Variants in DCAF4 observed in about 807,000 individuals in gnomAD.
The protein encoded by DCAF4 is DDB1 and CUL4 associated factor 4.
DCAF4 carries 37 observed loss-of-function variants against 60.9 expected under a neutral mutation model. The observed-to-expected ratio is 0.61, with a 90% CI of 0.47 to 0.80. The LOEUF is 0.80. DCAF4 is among the 30% of genes least tolerant of loss of function. The pLI, the probability that DCAF4 is intolerant of heterozygous loss-of-function variation, is 0.00. For synonymous variants in DCAF4, 243 were observed against 254.8 expected, an observed-to-expected ratio of 0.95 and a Z score of 0.44; for missense variants, 577 against 650.0, an observed-to-expected ratio of 0.89 and a Z score of 1.22.
chr14:72,927,498 A>C (rs1388342197), intron 1 of DCAF4, among the ~76,000 whole-genome samples: 4 of 152,050 alleles, frequency 2.6e-5, no homozygotes, highest in East Asian at 1.9e-4. Flanking sequence ...GCTACAGGCG[A>C]CCACCACCTC....
intron 1 of DCAF4, among the ~76,000 whole-genome samples, chr14:72,927,661 T>G (rs1222141209): frequency 2.6e-5 from 4 of 151,744 alleles, no homozygotes; most frequent in South Asian, 4.2e-4. Context: ...TGAGGTGGTG[T>G]TCTGTGGGTA....
At chr14:72,937,827 A>G in intron 1 of DCAF4, 144 bp from the exon 2 acceptor site, 1 of 1,285,490 alleles carries the variant, frequency 7.8e-7, no homozygotes, top group Non-Finnish European at 1.0e-6. Flanking sequence ...TTCCCAGGTA[A>G]GGCTTGCTGT....
At chr14:72,955,914 C>CTTTTTTTTTTTTT (rs71109770) in intron 12 of DCAF4, among the ~76,000 whole-genome samples, 3 of 54,768 alleles carry the variant, frequency 5.5e-5, no homozygotes, top group African/African-American at 2.1e-4. Context: ...TGGTTATGTC[C>CTTTTTTTTTTTTT]TTTTTTTTTT....
downstream of DCAF4, chr14:72,961,909 A>G: frequency 8.8e-7 from 1 of 1,142,234 alleles, no homozygotes; most frequent in Non-Finnish European, 1.1e-6. Context: ...CAGTGGGTTC[A>G]GTGGAAGGTT....
chr14:72,951,746 C>G (rs1019366319), intron 8 of DCAF4, 52 bp from the exon 9 acceptor site: 2 of 1,572,756 alleles, frequency 1.3e-6, no homozygotes, highest in South Asian at 2.2e-5. Context: ...ATGTCCATGC[C>G]TCCTCCCAGA....
chr14:72,951,173 G>T (rs1035680758), intron 8 of DCAF4, among the ~76,000 whole-genome samples: 4 of 151,982 alleles, frequency 2.6e-5, no homozygotes, highest in Non-Finnish European at 5.9e-5. Context: ...TAGAGACAAG[G>T]TTTTGCTGTG....
chr14:72,959,244 A>G lies in DCAF4; in HGVS notation c.*439A>G. 1.0e-6 allele frequency: 1 copy of G among 988,508 alleles called. No homozygotes were observed. Among genetic ancestry groups the G allele is most frequent in the South Asian group, 4.7e-5 (1 of 21,390 alleles). 61.2% of individuals were successfully genotyped at this position (988,508 alleles called of 1,614,324 possible). A position where few individuals can be genotyped will look rare whatever the true frequency, so the allele number is the denominator to read the frequency against. ...AGAAAGACCTGCATCCTGCATCTGT[A>G]CTTGGGGAAGCCAGCGGAGAGGACG... On this transcript the variant is annotated 3_prime_UTR_variant, in exon 14 of 14. Coordinates refer to ENST00000358377, the MANE Select transcript of DCAF4 (RefSeq NM_015604.4).
At chr14:72,949,732 G>T (rs535129318) in intron 8 of DCAF4, among the ~76,000 whole-genome samples, 1 of 152,224 alleles carries the variant, frequency 6.6e-6, no homozygotes, top group African/African-American at 2.4e-5. Context: ...ACTCCAGCCT[G>T]AGCGAAAGAG....
intron 7 of DCAF4, 81 bp from the exon 8 acceptor site, chr14:72,947,058 ACGT>A (rs1890829391): frequency 3.8e-6 from 6 of 1,562,596 alleles, no homozygotes; most frequent in Non-Finnish European, 5.3e-6. Context: ...GAGAAGTCAC[ACGT>A]CTGTGTCCCC....
At chr14:72,952,020 A>G in intron 9 of DCAF4, 143 bp downstream of exon 9, 1 of 764,260 alleles carries the variant, frequency 1.3e-6, no homozygotes, top group Non-Finnish European at 2.0e-6. Context: ...TACCAGAAGC[A>G]TGTGTTTTTT....
chr14:72,949,234 A>C (rs1291626784), intron 8 of DCAF4, among the ~76,000 whole-genome samples: 3 of 152,198 alleles, frequency 2.0e-5, no homozygotes, highest in Non-Finnish European at 4.4e-5. Flanking sequence ...GGATTGCTTG[A>C]GGCCAGGAGT....
chr14:72,961,482 T>C (rs1210501339), downstream of DCAF4, among the ~76,000 whole-genome samples: 1 of 152,222 alleles, frequency 6.6e-6, no homozygotes, highest in African/African-American at 2.4e-5. Context: ...TTGATCTTGA[T>C]CTCATCCATT....
intron 8 of DCAF4, among the ~76,000 whole-genome samples, chr14:72,950,523 A>G (rs1290312723): frequency 6.6e-6 from 1 of 152,186 alleles, no homozygotes; most frequent in Non-Finnish European, 1.5e-5. Context: ...CAGTGGAGGA[A>G]AGGCAAGGGA....
intron 5 of DCAF4, chr14:72,942,788 C>A: frequency 1.8e-6 from 1 of 563,928 alleles, no homozygotes; most frequent in Non-Finnish European, 3.2e-6. Context: ...CCACCCACTT[C>A]TTCATTTTCA....
chr14:72,952,573 C>A (rs1367777592), intron 9 of DCAF4, among the ~76,000 whole-genome samples: 1 of 151,990 alleles, frequency 6.6e-6, no homozygotes. Flanking sequence ...ATTTGTCTTA[C>A]AAAAGTAATT....
intron 5 of DCAF4, 46 bp from the exon 6 acceptor site, chr14:72,942,948 T>C (rs1378730967): frequency 6.3e-7 from 1 of 1,587,616 alleles, no homozygotes; most frequent in African/African-American, 1.3e-5. Context: ...ATCTTCTTCA[T>C]GGATGTCAGC....
In DCAF4 at chr14:72,956,368, C is replaced by T. The variant is rs938440927; in HGVS notation, c.1180-18C>T. 1 of 1,583,080 alleles carries T rather than the reference C, an allele frequency of 6.3e-7. No homozygotes were observed. ...CCCCCTGGCCCCTCCCTGATGGCCC[C>T]TGGTGCTTTTTCCACAGATCAAGCT... On this transcript the variant is annotated intron_variant, in intron 12 of 13. Transcript: ENST00000358377.
At chr14:72,946,587 G>A (rs1331830338) in intron 7 of DCAF4, among the ~76,000 whole-genome samples, 2 of 152,146 alleles carry the variant, frequency 1.3e-5, no homozygotes, top group Admixed American at 6.5e-5. Context: ...CCCACACCAG[G>A]GCACAGAGTT....
At chr14:72,953,019 A>ATTTTTTT (rs1891642462) in intron 9 of DCAF4, among the ~76,000 whole-genome samples, 1 of 23,272 alleles carries the variant, frequency 4.3e-5, no homozygotes, top group Non-Finnish European at 7.8e-5. Flanking sequence ...TTTTTTTTTG[A>ATTTTTTT]GATGGAGTTT....
Sources: allele counts gnomAD v4.1 joint callset (sites outside exome capture counted in the v4.1 genomes callset), GRCh38; gene constraint gnomAD v4.1.1; transcripts MANE v1.5; gene names NCBI Gene and HGNC (gene_info 2026-07-23, HGNC 2026-07-21).